Variants in SORCS2 observed in about 807,000 individuals in gnomAD.
SORCS2 encodes VPS10 domain-containing receptor SorCS2.
A neutral mutation model predicts 141.6 loss-of-function variants in SORCS2; 100 were observed. The ratio of observed to expected loss-of-function variants is 0.71; its 90% CI spans 0.60 to 0.83. SORCS2 has a LOEUF of 0.83. SORCS2 is among the 40% of genes least tolerant of loss of function. SORCS2 has a pLI of 0.00. For missense variants in SORCS2, 1,646 were observed against 1,560.2 expected, an observed-to-expected ratio of 1.05 and a Z score of -0.93; for synonymous variants, 789 against 676.9, an observed-to-expected ratio of 1.17 and a Z score of -2.57.
chr4:7,500,182 G>T (rs62280183), intron 2 of SORCS2, among the ~76,000 whole-genome samples: 33,258 of 151,984 alleles, frequency 0.22, 4,322 homozygotes, highest in Middle Eastern at 0.35. Flanking sequence ...CCACCTATCA[G>T]CTCCCTCCAC....
chr4:7,305,237 T>C (rs1349309026), intron 1 of SORCS2, among the ~76,000 whole-genome samples: 8 of 152,188 alleles, frequency 5.3e-5, no homozygotes, highest in African/African-American at 1.9e-4. Flanking sequence ...TTCACCGTGT[T>C]AGCCAGGATG....
chr4:7,540,374 T>G lies in SORCS2; in HGVS notation c.648+8745T>G, dbSNP rs541059633. 1.1e-3 allele frequency among the ~76,000 whole-genome samples: 163 copies of G among 152,170 alleles called. 1 individual carries two copies. Among genetic ancestry groups the G allele is most frequent in the Non-Finnish European group, 6.3e-4 (43 of 68,000 alleles). On this transcript the variant is annotated intron_variant, in intron 3 of 26. Coordinates refer to ENST00000507866, the MANE Select transcript of SORCS2 (RefSeq NM_020777.3). ...GTCCCGTGGACATAGGACCCCAGCC[T>G]TCTTCTGTGGCTAGGAAACCCTGTG...
chr4:7,709,958 A>G (rs965400772), intron 14 of SORCS2, among the ~76,000 whole-genome samples: 3 of 152,146 alleles, frequency 2.0e-5, no homozygotes, highest in East Asian at 1.9e-4. Context: ...CTGCAAAGTA[A>G]TATCTAGACC....
At chr4:7,417,827 C>T (rs1725795549) in intron 2 of SORCS2, among the ~76,000 whole-genome samples, 1 of 152,136 alleles carries the variant, frequency 6.6e-6, no homozygotes, top group African/African-American at 2.4e-5. Context: ...CTGAGCCAGT[C>T]CCAGTTGGGA....
At chr4:7,619,320 A>G (rs926515885) in intron 3 of SORCS2, among the ~76,000 whole-genome samples, 3 of 152,214 alleles carry the variant, frequency 2.0e-5, no homozygotes, top group Admixed American at 6.5e-5. Flanking sequence ...AGGGCAAGGC[A>G]TCTTGGAGCA....
chr4:7,667,139 C>A lies in SORCS2; in HGVS notation c.1087C>A (p.Gln363Lys). The A allele has an allele frequency of 6.2e-7, 1 of 1,613,294 alleles. No homozygotes were observed. ...CCCCGGTTAGGCAACATCAGCAAAC[C>A]AGACAAAATACTACGTCTCTTATCG... ...YIFFKATSAN[Q>K]TKYYVSYRRN... Residue 363 changes from glutamine (Q) to lysine (K), a missense_variant, in exon 8 of 27, where the codon CAG becomes AAG. By Grantham distance (53) the Gln-to-Lys change is moderately conservative. Coordinates refer to ENST00000507866, the MANE Select transcript of SORCS2 (RefSeq NM_020777.3).
At chr4:7,293,723 C>G (rs1716765402) in intron 1 of SORCS2, among the ~76,000 whole-genome samples, 1 of 152,196 alleles carries the variant, frequency 6.6e-6, no homozygotes, top group Non-Finnish European at 1.5e-5. Context: ...GATCCCTATG[C>G]AGAAGGTGTC....
At chr4:7,347,716 G>A (rs914884578) in intron 1 of SORCS2, among the ~76,000 whole-genome samples, 1 of 152,172 alleles carries the variant, frequency 6.6e-6, no homozygotes, top group African/African-American at 2.4e-5. Context: ...AAACCACCAT[G>A]TGTTTAAACC....
intron 1 of SORCS2, among the ~76,000 whole-genome samples, chr4:7,338,173 A>ATGGATGT (rs1553844724): frequency 7.6e-5 from 11 of 145,324 alleles, no homozygotes; most frequent in Admixed American, 4.1e-4. Flanking sequence ...GGATGGATGG[A>ATGGATGT]TGGATGGATG....
chr4:7,682,141 C>A (rs1428177516), intron 9 of SORCS2, among the ~76,000 whole-genome samples: 1 of 152,178 alleles, frequency 6.6e-6, no homozygotes, highest in Non-Finnish European at 1.5e-5. Flanking sequence ...TGGGTCACTG[C>A]CATGGGCCTC....
chr4:7,593,312 G>C (rs1376132083), intron 3 of SORCS2, among the ~76,000 whole-genome samples: 1 of 152,218 alleles, frequency 6.6e-6, no homozygotes, highest in Non-Finnish European at 1.5e-5. Context: ...AATCTGGAAT[G>C]GAAATAGACT....
chr4:7,737,217 A>G, intron 26 of SORCS2, 45 bp downstream of exon 26: 1 of 1,548,712 alleles, frequency 6.5e-7, no homozygotes, highest in Non-Finnish European at 8.7e-7. Context: ...GACTCTAGGT[A>G]ACGTCCGCCC....
At chr4:7,589,193 G>A (rs958135027) in intron 3 of SORCS2, among the ~76,000 whole-genome samples, 4 of 152,182 alleles carry the variant, frequency 2.6e-5, no homozygotes, top group African/African-American at 9.7e-5. Context: ...CTATCTGGGA[G>A]GCCAGTTAGG....
intron 1 of SORCS2, among the ~76,000 whole-genome samples, chr4:7,305,382 G>A: frequency 6.9e-6 from 1 of 143,948 alleles, no homozygotes; most frequent in Non-Finnish European, 1.5e-5. Context: ...TTTTTTTCTT[G>A]GAACACTATT....
intron 2 of SORCS2, among the ~76,000 whole-genome samples, chr4:7,519,980 T>G (rs962045166): frequency 6.6e-6 from 1 of 152,212 alleles, no homozygotes; most frequent in African/African-American, 2.4e-5. Context: ...CCAGGGCTCC[T>G]GCTCTGCCAG....
At chr4:7,312,174 C>G (rs187488490) in intron 1 of SORCS2, among the ~76,000 whole-genome samples, 1 of 152,188 alleles carries the variant, frequency 6.6e-6, no homozygotes, top group African/African-American at 2.4e-5. Flanking sequence ...CGCACCCAGC[C>G]GTCTTTTTCA....
intron 2 of SORCS2, among the ~76,000 whole-genome samples, chr4:7,435,190 C>A (rs1417928174): frequency 1.3e-5 from 2 of 152,256 alleles, no homozygotes; most frequent in African/African-American, 2.4e-5. Context: ...GTGTCCCCCA[C>A]CCTCCCCCTG....
intron 11 of SORCS2, among the ~76,000 whole-genome samples, chr4:7,693,333 C>T (rs1203337683): frequency 2.0e-5 from 3 of 152,236 alleles, no homozygotes; most frequent in Admixed American, 6.5e-5. Flanking sequence ...TGTTCCCGGA[C>T]CCTGCACGGC....
At chr4:7,613,789 A>G (rs1201982610) in intron 3 of SORCS2, among the ~76,000 whole-genome samples, 1 of 151,614 alleles carries the variant, frequency 6.6e-6, no homozygotes, top group Non-Finnish European at 1.5e-5. Context: ...CCCATCTACC[A>G]TGTGTCTACC....
Sources: gnomAD v4.1 joint callset for allele counts (sites outside exome capture counted in the v4.1 genomes callset) on GRCh38, gnomAD v4.1.1 for gene constraint, MANE v1.5 for transcripts, NCBI Gene and HGNC (gene_info 2026-07-23, HGNC 2026-07-21) for gene names.